Variants in TMEM74 observed in about 807,000 individuals in gnomAD.
TMEM74 encodes transmembrane protein 74.
TMEM74 carries 13 observed loss-of-function variants against 18.1 expected under a neutral mutation model. The ratio of observed to expected loss-of-function variants is 0.72; its 90% confidence interval spans 0.47 to 1.14. The LOEUF is 1.14. Ranked by LOEUF, TMEM74 falls within the 50% of genes most tolerant of loss-of-function variation. The probability of loss-of-function intolerance (pLI) is 0.00; values close to 1 mark genes in which losing one functional copy is unlikely to be tolerated. For synonymous variants in TMEM74, 159 were observed against 146.6 expected, an observed-to-expected ratio of 1.08 and a Z score of -0.61; for missense variants, 372 against 375.9, an observed-to-expected ratio of 0.99 and a Z score of 0.09.
intron 1 of TMEM74, among the ~76,000 whole-genome samples, chr8:108,757,547 TTTATC>T (rs1262415265): frequency 3.3e-5 from 5 of 152,028 alleles, no homozygotes; most frequent in African/African-American, 1.2e-4. Flanking sequence ...ATTAGTCACT[TTTATC>T]TGAGAAAGAA....
intron 1 of TMEM74, among the ~76,000 whole-genome samples, chr8:108,688,457 G>C (rs917671398): frequency 1.3e-5 from 2 of 152,144 alleles, no homozygotes; most frequent in Non-Finnish European, 2.9e-5. Flanking sequence ...AGGGGAGCAA[G>C]GGCTTCCAGT....
At position 108,784,984 on chromosome 8, in the gene TMEM74, C is replaced by A; in HGVS notation, c.115G>T (p.Ala39Ser). 6.2e-7 allele frequency: 1 copy of A among 1,614,154 alleles called. No individual in the cohort carries two copies. Among genetic ancestry groups the A allele is most frequent in the East Asian group, 2.2e-5 (1 of 44,860 alleles). Residue 39 changes from alanine (A) to serine (S), a missense_variant, in exon 2 of 2, where the codon GCT becomes TCT. Ala to Ser is a moderately conservative substitution (Grantham distance 99, BLOSUM62 1). Transcript: ENST00000297459. ...DQADTAATRA[A>S]LCCQKQCAST... Reference sequence around the variant, plus strand: ...GCACACTGTTTCTGACAGCAGAGAGCAGCTCTTGTGGCTGCTGTATCTGCC... The same window carrying A: ...GCACACTGTTTCTGACAGCAGAGAGAAGCTCTTGTGGCTGCTGTATCTGCC...
intron 1 of TMEM74, among the ~76,000 whole-genome samples, chr8:108,758,370 C>T (rs951765234): frequency 1.3e-5 from 2 of 151,918 alleles, no homozygotes; most frequent in Admixed American, 6.6e-5. Flanking sequence ...ACAGAGATGA[C>T]CAGGAGGCTT....
intron 1 of TMEM74, among the ~76,000 whole-genome samples, chr8:108,763,133 A>C (rs1010227347): frequency 1.3e-5 from 2 of 152,086 alleles, no homozygotes; most frequent in Non-Finnish European, 1.5e-5. Flanking sequence ...TATCCCATGC[A>C]TCTGGCTGAA....
At chr8:108,773,126 C>G (rs909936891) in intron 1 of TMEM74, among the ~76,000 whole-genome samples, 3 of 151,930 alleles carry the variant, frequency 2.0e-5, no homozygotes, top group African/African-American at 7.3e-5. Flanking sequence ...GGAAGTTTTC[C>G]TCGAAATCAT....
At chr8:108,768,487 CT>C (rs1395007539) in intron 1 of TMEM74, among the ~76,000 whole-genome samples, 1 of 152,090 alleles carries the variant, frequency 6.6e-6, no homozygotes, top group African/African-American at 2.4e-5. Flanking sequence ...AAATGAGTAG[CT>C]CTTGCATTAT....
intron 2 of TMEM74, among the ~76,000 whole-genome samples, chr8:108,647,220 A>G (rs764724450): frequency 1.4e-4 from 21 of 152,100 alleles, no homozygotes; most frequent in Non-Finnish European, 2.9e-4. Context: ...ACATCCCAAA[A>G]TACCTCAGCT....
At chr8:108,649,718 C>T (rs1324510255) in intron 2 of TMEM74, among the ~76,000 whole-genome samples, 4 of 152,116 alleles carry the variant, frequency 2.6e-5, no homozygotes, top group Non-Finnish European at 4.4e-5. Flanking sequence ...CCTTTATCTC[C>T]CTGAAAACCC....
chr8:108,734,600 C>A lies in TMEM74; in HGVS notation n.119+52876G>T, dbSNP rs143110068. 1.2e-4 allele frequency among the ~76,000 whole-genome samples: 18 copies of A among 152,302 alleles called. No homozygotes were observed. The East Asian group carries it at 3.3e-3, about 28-fold the overall frequency. On this transcript the variant is annotated intron_variant and non_coding_transcript_variant, in intron 1 of 3. Coordinates refer to the TMEM74 transcript ENST00000518838. The stretch of plus-strand genomic sequence containing the variant: ...TCTCCTCCTCCCCACTACTTCAACT[C>A]ATATTTGCATCGTTTTCCTTTCTGC...
intron 1 of TMEM74, among the ~76,000 whole-genome samples, chr8:108,708,830 AAACC>A (rs1175667052): frequency 4.0e-5 from 6 of 150,650 alleles, no homozygotes; most frequent in Non-Finnish European, 8.9e-5. Flanking sequence ...AAAAAAAAAA[AAACC>A]AACCCAAATA....
At chr8:108,676,157 A>G (rs1158454777) in intron 1 of TMEM74, among the ~76,000 whole-genome samples, 2 of 152,138 alleles carry the variant, frequency 1.3e-5, no homozygotes, top group Non-Finnish European at 1.5e-5. Context: ...GCAGAAATGG[A>G]ATGTGGCAAG....
intron 2 of TMEM74, among the ~76,000 whole-genome samples, chr8:108,647,568 C>T (rs960665419): frequency 6.6e-6 from 1 of 151,912 alleles, no homozygotes; most frequent in Non-Finnish European, 1.5e-5. Context: ...GTAAAGAAAT[C>T]TATTTTTAAA....
At chr8:108,724,952 T>A (rs993424011) in intron 1 of TMEM74, among the ~76,000 whole-genome samples, 2 of 152,200 alleles carry the variant, frequency 1.3e-5, no homozygotes, top group African/African-American at 4.8e-5. Flanking sequence ...CAACCTCTTT[T>A]CTTCAGCCTC....
In TMEM74 at chr8:108,725,160, C is replaced by A. The variant is rs142483257; in HGVS notation, n.119+62316G>T. 4.3e-3 allele frequency among the ~76,000 whole-genome samples: 656 copies of A among 152,314 alleles called. 6 individuals carry two copies. Among genetic ancestry groups the A allele is most frequent in the African/African-American group, 0.012 (482 of 41,566 alleles). ...ACTTGCCCCACCTTGCCATTTGGATCGCTCATTAAAGACACTTCCTTAACC... is the reference window on the plus strand; with the variant it reads ...ACTTGCCCCACCTTGCCATTTGGATAGCTCATTAAAGACACTTCCTTAACC... On this transcript the variant is annotated intron_variant and non_coding_transcript_variant, in intron 1 of 3. Transcript: ENST00000518838.
intron 1 of TMEM74, among the ~76,000 whole-genome samples, chr8:108,657,859 A>ATATAT (rs1449112150): frequency 1.4e-4 from 7 of 49,860 alleles, no homozygotes; most frequent in Non-Finnish European, 2.4e-4. Context: ...AAAAAAAAAA[A>ATATAT]ATATATATAT....
At chr8:108,628,134 T>A (rs938001671) in intron 2 of TMEM74, among the ~76,000 whole-genome samples, 1 of 152,062 alleles carries the variant, frequency 6.6e-6, no homozygotes, top group African/African-American at 2.4e-5. Flanking sequence ...TTTGACTCCC[T>A]GAGTTATGCT....
chr8:108,722,295 A>C (rs1813593325), intron 1 of TMEM74, among the ~76,000 whole-genome samples: 1 of 152,198 alleles, frequency 6.6e-6, no homozygotes, highest in Non-Finnish European at 1.5e-5. Flanking sequence ...TGTGAGGAGC[A>C]CTATTTTATT....
chr8:108,629,481 G>T (rs1812528529), intron 2 of TMEM74, among the ~76,000 whole-genome samples: 1 of 151,878 alleles, frequency 6.6e-6, no homozygotes, highest in Admixed American at 6.6e-5. Context: ...CAAATACAGA[G>T]AACACCACTA....
intron 2 of TMEM74, among the ~76,000 whole-genome samples, chr8:108,648,756 T>C (rs1019621124): frequency 6.6e-6 from 1 of 152,110 alleles, no homozygotes; most frequent in Non-Finnish European, 1.5e-5. Context: ...TAGATTCCCC[T>C]CTAAAGCCAC....
Sources: allele counts gnomAD v4.1 joint callset (sites outside exome capture counted in the v4.1 genomes callset), GRCh38; gene constraint gnomAD v4.1.1; transcripts MANE v1.5; gene names NCBI Gene and HGNC (gene_info 2026-07-23, HGNC 2026-07-21).